Variants in GAPVD1 observed in about 807,000 individuals in gnomAD.
GAPVD1 encodes the protein GTPase-activating protein and VPS9 domain-containing protein 1.
In GAPVD1, 35 loss-of-function variants were observed where a neutral mutation model predicts 155.5. The observed-to-expected ratio is 0.23, with a 90% confidence interval of 0.17 to 0.30. GAPVD1 has a LOEUF of 0.30. Among genes scored for constraint, GAPVD1 ranks in the 10% least tolerant of loss-of-function variants. GAPVD1 has a pLI of 1.00. For missense variants in GAPVD1, 1,429 were observed against 1,775.7 expected, an observed-to-expected ratio of 0.80 and a Z score of 3.51; for synonymous variants, 636 against 619.7, an observed-to-expected ratio of 1.03 and a Z score of -0.39.
intron 2 of GAPVD1, among the ~76,000 whole-genome samples, chr9:125,293,869 T>TG (rs1839250130): frequency 9.4e-5 from 2 of 21,190 alleles, no homozygotes; most frequent in African/African-American, 4.8e-4. Flanking sequence ...TATATATATA[T>TG]ATATATATAT....
chr9:125,352,897 A>G (rs2132457648), intron 23 of GAPVD1, among the ~76,000 whole-genome samples: 1 of 152,280 alleles, frequency 6.6e-6, no homozygotes, highest in Middle Eastern at 3.4e-3. Flanking sequence ...ACCCGAGGTC[A>G]GGAGTTCAAG....
chr9:125,315,224 A>T (rs1843246696), intron 9 of GAPVD1, among the ~76,000 whole-genome samples: 1 of 152,222 alleles, frequency 6.6e-6, no homozygotes, highest in South Asian at 2.1e-4. Context: ...GATACCCCAT[A>T]GGGAAGAAGA....
chr9:125,283,507 C>T (rs1288524985), intron 2 of GAPVD1, among the ~76,000 whole-genome samples: 1 of 152,020 alleles, frequency 6.6e-6, no homozygotes, highest in African/African-American at 2.4e-5. Flanking sequence ...CACAGGCGTA[C>T]ATCCCTCCAC....
intron 12 of GAPVD1, among the ~76,000 whole-genome samples, chr9:125,329,005 C>T (rs1023143001): frequency 5.3e-5 from 8 of 149,572 alleles, no homozygotes; most frequent in Admixed American, 2.0e-4. Context: ...TGCCTGCAGT[C>T]GCAGGCACTC....
intron 21 of GAPVD1, among the ~76,000 whole-genome samples, chr9:125,349,720 T>C (rs1849037691): frequency 6.6e-6 from 1 of 152,082 alleles, no homozygotes; most frequent in Admixed American, 6.6e-5. Flanking sequence ...AAAAACTCGC[T>C]GGGCGTGGTG....
In GAPVD1 at chr9:125,302,512, G is replaced by A. The variant is rs749854037; in HGVS notation, c.715G>A (p.Gly239Ser). 1.9e-6 allele frequency: 3 copies of A among 1,613,872 alleles called. No individual in the cohort carries two copies. Among genetic ancestry groups the A allele is most frequent in the Admixed American group, 1.7e-5 (1 of 59,998 alleles). The change falls in exon 5 of 28, where the codon GGC becomes AGC. Residue 239 changes from glycine (G) to serine (S), a missense_variant. Around this residue, in one of 4 missense-constraint regions of GAPVD1, gnomAD observed 628 missense variants for 733.4 expected, o/e 0.86. Coordinates refer to ENST00000297933, the MANE Select transcript of GAPVD1 (RefSeq NM_001282680.3). ...GCAGGAAAAACTCTTTGGAGAGAAG[G>A]GCTCAGATAGATTCAGGCAAAAAGT... is the stretch of plus-strand genomic sequence containing the variant. Reference protein sequence around the residue: ...SQQEKLFGEKGSDRFRQKVQE... With the variant: ...SQQEKLFGEKSSDRFRQKVQE...
chr9:125,289,861 A>G (rs188491485), intron 2 of GAPVD1, among the ~76,000 whole-genome samples: 73 of 152,312 alleles, frequency 4.8e-4, no homozygotes, highest in African/African-American at 1.7e-3. Context: ...AGGTCTGAAG[A>G]TTGAGCCTTG....
chr9:125,323,715 A>C (rs1029406993), intron 10 of GAPVD1, 83 bp from the exon 11 acceptor site: 1 of 1,277,654 alleles, frequency 7.8e-7, no homozygotes. Context: ...ATCAGTTGTT[A>C]GTCTTTTATC....
intron 2 of GAPVD1, among the ~76,000 whole-genome samples, chr9:125,271,803 G>A (rs576514611): frequency 2.6e-5 from 4 of 152,066 alleles, no homozygotes; most frequent in African/African-American, 9.6e-5. Context: ...CACCTGCCTC[G>A]AGTGCTGGGC....
chr9:125,345,671 G>A (rs1848424478), intron 19 of GAPVD1, among the ~76,000 whole-genome samples: 1 of 152,160 alleles, frequency 6.6e-6, no homozygotes, highest in Non-Finnish European at 1.5e-5. Context: ...TCTATGTCTT[G>A]ATTTCGTCTT....
At chr9:125,349,630 A>G in intron 21 of GAPVD1, 111 bp downstream of exon 21, 2 of 874,612 alleles carry the variant, frequency 2.3e-6, no homozygotes, top group Non-Finnish European at 3.6e-6. Context: ...GCAGGGAGAG[A>G]AAAATGAAAT....
At chr9:125,299,236 G>T (rs1588750646) in intron 4 of GAPVD1, 130 bp downstream of exon 4, 1 of 531,904 alleles carries the variant, frequency 1.9e-6, no homozygotes, top group Non-Finnish European at 3.3e-6. Flanking sequence ...TCAATGTTAA[G>T]GTGAGTCTTT....
At chr9:125,284,233 G>T (rs1373990330) in intron 2 of GAPVD1, among the ~76,000 whole-genome samples, 2 of 131,952 alleles carry the variant, frequency 1.5e-5, no homozygotes, top group African/African-American at 5.9e-5. Context: ...CACCCAGGCC[G>T]AAGTGCAGTG....
intron 20 of GAPVD1, among the ~76,000 whole-genome samples, chr9:125,347,343 A>G (rs572863088): frequency 3.9e-5 from 6 of 152,334 alleles, no homozygotes; most frequent in African/African-American, 1.4e-4. Flanking sequence ...ATTTTAAAGG[A>G]TTCTGTTTTC....
At chr9:125,332,657 A>C in intron 15 of GAPVD1, 28 bp downstream of exon 15, 1 of 1,595,394 alleles carries the variant, frequency 6.3e-7, no homozygotes, top group Non-Finnish European at 8.6e-7. Flanking sequence ...GGATGACTTA[A>C]AAAATGACCA....
At position 125,363,853 on chromosome 9, in the gene GAPVD1, G is replaced by A. The variant is rs1223194397; in HGVS notation, c.*1107G>A. The A allele has an allele frequency of 6.6e-6, 1 of 152,476 alleles. No homozygotes were observed. The highest frequency in any genetic ancestry group is 2.4e-5 in the African/African-American group (1 of 41,384). The allele number at this position is 152,476 out of a possible 1,614,324, so 9.4% of individuals were successfully genotyped here. A position where few individuals can be genotyped will look rare whatever the true frequency, so the allele number is the denominator to read the frequency against. ...TGGAAAAAAATATCTATTTTGGCAGGTTTCTGTGCCTTTATTTCCCTCTTC... is the reference window on the plus strand; with the variant it reads ...TGGAAAAAAATATCTATTTTGGCAGATTTCTGTGCCTTTATTTCCCTCTTC... On this transcript the variant is annotated 3_prime_UTR_variant, in exon 28 of 28. Transcript: ENST00000297933.
At chr9:125,337,180 T>G (rs773184178) in intron 16 of GAPVD1, 41 bp from the exon 17 acceptor site, 1 of 1,611,092 alleles carries the variant, frequency 6.2e-7, no homozygotes, top group Non-Finnish European at 8.5e-7. Flanking sequence ...TTGTTAGATA[T>G]GTTGTGTCTC....
intron 5 of GAPVD1, among the ~76,000 whole-genome samples, chr9:125,303,639 G>A (rs1841304961): frequency 6.6e-6 from 1 of 151,980 alleles, no homozygotes; most frequent in Non-Finnish European, 1.5e-5. Context: ...AGCCAGGTGT[G>A]GTGTCACATG....
At chr9:125,325,708 G>T (rs1444332928) in intron 11 of GAPVD1, among the ~76,000 whole-genome samples, 2 of 152,032 alleles carry the variant, frequency 1.3e-5, no homozygotes, top group African/African-American at 2.4e-5. Context: ...AAAAAGTAAT[G>T]CTGTATTTTA....
Sources: allele counts gnomAD v4.1 joint callset (sites outside exome capture counted in the v4.1 genomes callset), GRCh38; gene constraint gnomAD v4.1.1; regional missense constraint gnomAD v4.1.1; transcripts MANE v1.5; gene names NCBI Gene and HGNC (gene_info 2026-07-23, HGNC 2026-07-21).